Variants in SLCO6A1 observed in about 807,000 individuals in gnomAD.
SLCO6A1 encodes the protein cancer/testis antigen 48.
Under a neutral mutation model 72.7 loss-of-function variants are expected in SLCO6A1, and 65 were observed. That is an observed-to-expected ratio of 0.89 (90% CI 0.73 to 1.10). The LOEUF (loss-of-function observed/expected upper bound fraction) is 1.10. SLCO6A1 is among the 50% of genes least tolerant of loss of function. The pLI is 0.00. For missense variants in SLCO6A1, 874 were observed against 872.6 expected (o/e 1.00, Z -0.02); for synonymous variants, 314 against 298.2 (o/e 1.05, Z -0.55).
intron 4 of SLCO6A1, among the ~76,000 whole-genome samples, chr5:102,462,847 T>C (rs988951228): frequency 5.9e-5 from 9 of 152,104 alleles, no homozygotes; most frequent in Non-Finnish European, 2.9e-5. Context: ...TCATAGAAAC[T>C]CTTCTAGATG....
At chr5:102,489,135 A>C (rs1752564836) in intron 1 of SLCO6A1, among the ~76,000 whole-genome samples, 1 of 152,236 alleles carries the variant, frequency 6.6e-6, no homozygotes, top group South Asian at 2.1e-4. Context: ...GAGCTTCTGC[A>C]ATAGTTCCCA....
At chr5:102,461,676 G>C (rs2112769190) in intron 4 of SLCO6A1, among the ~76,000 whole-genome samples, 1 of 152,166 alleles carries the variant, frequency 6.6e-6, no homozygotes, top group South Asian at 2.1e-4. Flanking sequence ...ATACCATCAT[G>C]ATACATAAAT....
In SLCO6A1 at chr5:102,481,928, A is replaced by C. The variant is rs180677362; in HGVS notation, c.359-1494T>G. On this transcript the variant is annotated intron_variant, in intron 1 of 13. Coordinates refer to ENST00000506729, the MANE Select transcript of SLCO6A1 (RefSeq NM_173488.5). The stretch of plus-strand genomic sequence containing the variant: ...AGCCCTAACTAAATTTTTGAGGGGA[A>C]ATATATTGCCAAAGAAGCCACGAGC... 1.3e-3 allele frequency among the ~76,000 whole-genome samples: 191 copies of C among 152,310 alleles called. 1 individual carries two copies. The highest frequency in any genetic ancestry group is 6.0e-3 in the South Asian group (29 of 4,824).
chr5:102,385,484 T>C (rs1746362119), intron 12 of SLCO6A1, among the ~76,000 whole-genome samples: 3 of 152,288 alleles, frequency 2.0e-5, no homozygotes, highest in Admixed American at 2.0e-4. Flanking sequence ...ATAGGCTTTC[T>C]TCACTGTTTT....
chr5:102,491,170 G>A (rs1752659413), intron 1 of SLCO6A1, among the ~76,000 whole-genome samples: 1 of 152,108 alleles, frequency 6.6e-6, no homozygotes, highest in Non-Finnish European at 1.5e-5. Flanking sequence ...AGTGTCCATT[G>A]GTGCATTCAC....
chr5:102,485,093 A>G (rs1353643982), intron 1 of SLCO6A1, among the ~76,000 whole-genome samples: 2 of 151,890 alleles, frequency 1.3e-5, no homozygotes, highest in Non-Finnish European at 2.9e-5. Context: ...CTCTACTGAA[A>G]ATACAAAATT....
At chr5:102,441,713 T>G (rs1580433526) in intron 6 of SLCO6A1, among the ~76,000 whole-genome samples, 1 of 152,224 alleles carries the variant, frequency 6.6e-6, no homozygotes, top group East Asian at 1.9e-4. Flanking sequence ...CCAGTCATCT[T>G]TAATAATGTT....
intron 9 of SLCO6A1, among the ~76,000 whole-genome samples, chr5:102,405,622 T>C (rs1168140170): frequency 2.0e-5 from 3 of 151,938 alleles, no homozygotes; most frequent in Non-Finnish European, 4.4e-5. Context: ...ATATTTTAAG[T>C]TGAAAGAATA....
At chr5:102,483,049 A>G (rs1053117490) in intron 1 of SLCO6A1, among the ~76,000 whole-genome samples, 3 of 152,192 alleles carry the variant, frequency 2.0e-5, no homozygotes, top group African/African-American at 7.2e-5. Context: ...TCCATCCTTG[A>G]TGTAATTGTC....
intron 4 of SLCO6A1, among the ~76,000 whole-genome samples, chr5:102,462,832 T>C (rs141751032): frequency 6.6e-6 from 1 of 152,194 alleles, no homozygotes; most frequent in East Asian, 1.9e-4. Flanking sequence ...TTCTAGAAAA[T>C]AACATCATAG....
intron 6 of SLCO6A1, among the ~76,000 whole-genome samples, chr5:102,454,491 C>T (rs982882839): frequency 6.6e-6 from 1 of 152,156 alleles, no homozygotes; most frequent in African/African-American, 2.4e-5. Context: ...TCTAAAAGTG[C>T]CACCTTCTGA....
At chr5:102,411,998 A>T (rs1290174854) in intron 9 of SLCO6A1, among the ~76,000 whole-genome samples, 1 of 152,122 alleles carries the variant, frequency 6.6e-6, no homozygotes, top group Non-Finnish European at 1.5e-5. Flanking sequence ...CCACTATGAG[A>T]CTTCAAAAGA....
chr5:102,372,259 C>T (rs1384347348), intron 13 of SLCO6A1, 136 bp from the exon 14 acceptor site: 1 of 151,828 alleles, frequency 6.6e-6, no homozygotes, highest in Non-Finnish European at 1.5e-5. Context: ...ATGAATATTC[C>T]CTGCTTCACA....
chr5:102,427,195 G>A (rs1308953451), intron 7 of SLCO6A1, among the ~76,000 whole-genome samples: 1 of 151,960 alleles, frequency 6.6e-6, no homozygotes, highest in East Asian at 1.9e-4. Flanking sequence ...CAAATCTCAG[G>A]ATGACCTTCA....
intron 6 of SLCO6A1, among the ~76,000 whole-genome samples, chr5:102,444,439 CAA>C (rs1205015623): frequency 6.6e-6 from 1 of 152,110 alleles, no homozygotes; most frequent in African/African-American, 2.4e-5. Flanking sequence ...AAGAGGAGAC[CAA>C]TAAATCACTC....
intron 7 of SLCO6A1, among the ~76,000 whole-genome samples, chr5:102,435,236 C>T (rs1167642256): frequency 2.0e-5 from 3 of 152,222 alleles, no homozygotes; most frequent in African/African-American, 7.2e-5. Context: ...GAACTCTCAT[C>T]ATTCCTGAAA....
chr5:102,398,281 G>A (rs942185849), intron 10 of SLCO6A1, among the ~76,000 whole-genome samples: 4 of 151,946 alleles, frequency 2.6e-5, no homozygotes, highest in East Asian at 1.9e-4. Flanking sequence ...GAGTTCAAGC[G>A]ATTCTCCTGC....
At chr5:102,483,203 ACT>A (rs1752293994) in intron 1 of SLCO6A1, among the ~76,000 whole-genome samples, 1 of 152,160 alleles carries the variant, frequency 6.6e-6, no homozygotes, top group African/African-American at 2.4e-5. Flanking sequence ...AGATAGGATA[ACT>A]CTGCTCATAT....
intron 7 of SLCO6A1, among the ~76,000 whole-genome samples, chr5:102,435,209 G>A (rs1749462820): frequency 6.6e-6 from 1 of 152,106 alleles, no homozygotes; most frequent in African/African-American, 2.4e-5. Context: ...TCATAGATGA[G>A]GCATTGAATA....
Sources: gnomAD v4.1 joint callset for allele counts (sites outside exome capture counted in the v4.1 genomes callset) on GRCh38, gnomAD v4.1.1 for gene constraint, MANE v1.5 for transcripts, NCBI Gene and HGNC (gene_info 2026-07-23, HGNC 2026-07-21) for gene names.